Variants in CPNE4 observed in about 807,000 individuals in gnomAD.
The protein encoded by CPNE4 is copine 4, also known as copine-4.
Under a neutral mutation model 67.9 loss-of-function variants are expected in CPNE4, and 25 were observed. That is an observed-to-expected ratio of 0.37 (90% CI 0.27 to 0.51). CPNE4 has a LOEUF of 0.51. Among genes scored for constraint, CPNE4 ranks in the 20% least tolerant of loss-of-function variants. CPNE4 has a pLI of 0.93. For synonymous variants in CPNE4, 242 were observed against 244.9 expected, an observed-to-expected ratio of 0.99 and a Z score of 0.11; for missense variants, 464 against 690.8, an observed-to-expected ratio of 0.67 and a Z score of 3.68.
intron 2 of CPNE4, among the ~76,000 whole-genome samples, chr3:131,730,569 AGG>A (rs1282733256): frequency 6.6e-6 from 1 of 152,192 alleles, no homozygotes; most frequent in Non-Finnish European, 1.5e-5. Context: ...TAATTAACTT[AGG>A]ATAAGGTCAT....
intron 2 of CPNE4, among the ~76,000 whole-genome samples, chr3:131,817,445 T>C (rs60078694): frequency 0.2 from 30,136 of 152,024 alleles, 3,236 homozygotes; most frequent in East Asian, 0.32. Flanking sequence ...ATGCAGTAAA[T>C]GAGGGGTGAA....
At chr3:131,711,371 A>T (rs1331904349) in intron 3 of CPNE4, among the ~76,000 whole-genome samples, 1 of 151,960 alleles carries the variant, frequency 6.6e-6, no homozygotes, top group Non-Finnish European at 1.5e-5. Context: ...CAGCACATTC[A>T]CTGTAATACC....
chr3:131,940,718 A>G (rs2071360886), intron 1 of CPNE4, among the ~76,000 whole-genome samples: 1 of 152,130 alleles, frequency 6.6e-6, no homozygotes, highest in South Asian at 2.1e-4. Flanking sequence ...GGAAAATTAA[A>G]GAATTATTGA....
chr3:131,588,217 C>A (rs899041244), intron 7 of CPNE4, among the ~76,000 whole-genome samples: 2 of 152,174 alleles, frequency 1.3e-5, no homozygotes, highest in Non-Finnish European at 2.9e-5. Flanking sequence ...ATGCACCCAT[C>A]ACACACAAGA....
chr3:131,733,966 G>C (rs2082182141), intron 2 of CPNE4, among the ~76,000 whole-genome samples: 1 of 152,346 alleles, frequency 6.6e-6, no homozygotes, highest in Middle Eastern at 3.4e-3. Flanking sequence ...GCTGAGGCCT[G>C]CCTCAACCCT....
chr3:131,704,728 T>C (rs943035338), intron 3 of CPNE4, among the ~76,000 whole-genome samples: 2 of 152,226 alleles, frequency 1.3e-5, no homozygotes, highest in Non-Finnish European at 2.9e-5. Context: ...AAATGTCATT[T>C]AATGATCATT....
chr3:131,658,502 C>A (rs1013748938), intron 7 of CPNE4, among the ~76,000 whole-genome samples: 2 of 152,222 alleles, frequency 1.3e-5, no homozygotes, highest in Non-Finnish European at 2.9e-5. Flanking sequence ...CACACACTCT[C>A]AGAGAGAAAA....
intron 7 of CPNE4, among the ~76,000 whole-genome samples, chr3:131,646,481 CA>C (rs369707039): frequency 1.4e-4 from 21 of 152,240 alleles, no homozygotes; most frequent in African/African-American, 4.3e-4. Flanking sequence ...GAAACCTCCT[CA>C]AAAAACCTCC....
intron 7 of CPNE4, among the ~76,000 whole-genome samples, chr3:131,668,211 G>A (rs2080311058): frequency 6.6e-6 from 1 of 152,174 alleles, no homozygotes; most frequent in Non-Finnish European, 1.5e-5. Flanking sequence ...GACATATAAA[G>A]CAACCTTAAA....
intron 8 of CPNE4, among the ~76,000 whole-genome samples, chr3:131,582,708 G>A (rs1386893446): frequency 6.6e-6 from 1 of 152,184 alleles, no homozygotes. Flanking sequence ...AAGCGCCTGT[G>A]TATTGGGGCT....
chr3:131,793,190 T>C (rs1265048908), intron 2 of CPNE4, among the ~76,000 whole-genome samples: 2 of 152,114 alleles, frequency 1.3e-5, no homozygotes, highest in African/African-American at 4.8e-5. Context: ...TTTTCTCCAC[T>C]AGACCAAGAG....
chr3:131,999,397 C>T (rs1424754001), intron 1 of CPNE4, among the ~76,000 whole-genome samples: 1 of 151,952 alleles, frequency 6.6e-6, no homozygotes, highest in Non-Finnish European at 1.5e-5. Context: ...AATAAGCATG[C>T]AGTAACATAG....
At chr3:131,599,452 G>A (rs1279827843) in intron 7 of CPNE4, among the ~76,000 whole-genome samples, 2 of 152,150 alleles carry the variant, frequency 1.3e-5, no homozygotes, top group Non-Finnish European at 2.9e-5. Flanking sequence ...TTTACAACAT[G>A]AACACTCTGA....
chr3:131,987,527 C>T (rs969437247), intron 1 of CPNE4, among the ~76,000 whole-genome samples: 5 of 151,904 alleles, frequency 3.3e-5, no homozygotes, highest in Admixed American at 2.6e-4. Flanking sequence ...GCTGGGATTA[C>T]AGGCATGCAC....
At chr3:131,742,293 C>A (rs748587274) in intron 2 of CPNE4, among the ~76,000 whole-genome samples, 2 of 152,120 alleles carry the variant, frequency 1.3e-5, no homozygotes, top group Non-Finnish European at 1.5e-5. Context: ...CAATCTGGGA[C>A]ACCGGTCTTC....
chr3:131,628,755 A>T (rs1447653143), intron 7 of CPNE4, among the ~76,000 whole-genome samples: 857 of 131,940 alleles, frequency 6.5e-3, no homozygotes, highest in South Asian at 9.3e-3. Context: ...CCCCTTTATC[A>T]TTTTTTATTG....
chr3:131,811,736 A>G (rs1583244623), intron 2 of CPNE4, among the ~76,000 whole-genome samples: 1 of 152,170 alleles, frequency 6.6e-6, no homozygotes, highest in East Asian at 1.9e-4. Flanking sequence ...TCAGGATGAA[A>G]CATTTCAAAA....
chr3:131,731,850 A>G (rs2107762097), intron 2 of CPNE4, among the ~76,000 whole-genome samples: 1 of 152,282 alleles, frequency 6.6e-6, no homozygotes, highest in East Asian at 1.9e-4. Context: ...TGTATAATAC[A>G]CACACATTTA....
At chr3:132,024,379 C>A (rs568028983) in intron 1 of CPNE4, among the ~76,000 whole-genome samples, 1 of 152,142 alleles carries the variant, frequency 6.6e-6, no homozygotes, top group African/African-American at 2.4e-5. Flanking sequence ...CCATTGCGCC[C>A]AGCCCTGGGG....
Sources: gnomAD v4.1 joint callset for allele counts (sites outside exome capture counted in the v4.1 genomes callset) on GRCh38, gnomAD v4.1.1 for gene constraint, MANE v1.5 for transcripts, NCBI Gene and HGNC (gene_info 2026-07-23, HGNC 2026-07-21) for gene names.